ARHGAP44: variants seen among roughly 807,000 people sequenced by gnomAD.
The protein encoded by ARHGAP44 is rho GTPase-activating protein 44.
A neutral mutation model predicts 106.8 loss-of-function variants in ARHGAP44; 43 were observed. The observed-to-expected ratio is 0.40, with a 90% CI of 0.32 to 0.52. The LOEUF (loss-of-function observed/expected upper bound fraction) is 0.52, where lower values mean the gene tolerates loss of function less well. Among genes scored for constraint, ARHGAP44 ranks in the 20% least tolerant of loss-of-function variants. The pLI is 0.48. For synonymous variants in ARHGAP44, 439 were observed against 410.3 expected (o/e 1.07, Z -0.85); for missense variants, 866 against 1,050.5 (o/e 0.82, Z 2.43).
At chr17:12,930,711 A>G (rs1018128702) in intron 7 of ARHGAP44, among the ~76,000 whole-genome samples, 9 of 152,256 alleles carry the variant, frequency 5.9e-5, no homozygotes, top group Non-Finnish European at 1.2e-4. Flanking sequence ...ATTCCTGTCT[A>G]GCTTATATTC....
In ARHGAP44 at chr17:12,872,159, A is replaced by G. The variant is rs542175001; in HGVS notation, c.54-22781A>G. ...CTTTTCTTTGATTCATCTTTTAATC[A>G]TAACTTTCCTGGGCATATTTTTTTG... On this transcript the variant is annotated intron_variant, in intron 1 of 20. Transcript: ENST00000379672. Among the ~76,000 whole-genome samples, 15 of 152,354 alleles carry G rather than the reference A, an allele frequency of 9.8e-5. No individual in the cohort carries two copies. In the East Asian group the frequency reaches 2.9e-3, roughly 29 times the overall value.
intron 7 of ARHGAP44, among the ~76,000 whole-genome samples, chr17:12,939,109 G>T (rs1345368030): frequency 2.0e-5 from 3 of 152,144 alleles, no homozygotes; most frequent in Non-Finnish European, 4.4e-5. Context: ...AGCTGCTGCG[G>T]GGAAGACAGA....
chr17:12,895,085 C>T (rs369367586), intron 2 of ARHGAP44, 106 bp downstream of exon 2: 14 of 968,750 alleles, frequency 1.4e-5, no homozygotes, highest in Admixed American at 4.2e-5. Context: ...TAGCCGGGAT[C>T]GTGCCACTAC....
At position 12,843,393 on chromosome 17, in the gene ARHGAP44, T is replaced by G. The variant is rs1269146009; in HGVS notation, c.54-51547T>G. 2.0e-5 allele frequency among the ~76,000 whole-genome samples: 3 copies of G among 149,896 alleles called. No individual in the cohort carries two copies. The East Asian group carries it at 5.9e-4, about 30-fold the overall frequency. ...CTGTTGTCTGTTGAGAGTTGCTATC[T>G]GTTCATTCATTGTAAGCATTTTTTT... is the stretch of plus-strand genomic sequence containing the variant. On this transcript the variant is annotated intron_variant, in intron 1 of 20. Transcript: ENST00000379672.
rs180931032 is a variant in ARHGAP44 at position 12,847,748 on chromosome 17, G to A, written c.54-47192G>A. ...TCTCGATCTTCTGACCTCGTGATCC[G>A]CCCGCCTCGGCCTCCCAAAGTGCTG... is the stretch of plus-strand genomic sequence containing the variant. On this transcript the variant is annotated intron_variant, in intron 1 of 20. Coordinates refer to ENST00000379672, the MANE Select transcript of ARHGAP44 (RefSeq NM_014859.6). Among the ~76,000 whole-genome samples, 1,278 of 151,626 alleles carry A rather than the reference G, an allele frequency of 8.4e-3. 15 individuals carry two copies. Among genetic ancestry groups the A allele is most frequent in the South Asian group, 0.022 (105 of 4,768 alleles).
chr17:12,926,501 A>G (rs1327656062), intron 6 of ARHGAP44, among the ~76,000 whole-genome samples: 3 of 143,776 alleles, frequency 2.1e-5, no homozygotes, highest in Admixed American at 7.2e-5. Flanking sequence ...TAATATATGT[A>G]TATATATTAT....
At chr17:12,898,710 C>G (rs2037287219) in intron 3 of ARHGAP44, among the ~76,000 whole-genome samples, 1 of 152,162 alleles carries the variant, frequency 6.6e-6, no homozygotes, top group South Asian at 2.1e-4. Flanking sequence ...TTATGTTTCT[C>G]TAGCTGCAAG....
intron 1 of ARHGAP44, among the ~76,000 whole-genome samples, chr17:12,846,826 G>T (rs1226505234): frequency 6.6e-6 from 1 of 152,190 alleles, no homozygotes; most frequent in Non-Finnish European, 1.5e-5. Flanking sequence ...AGTTCCTTTA[G>T]GCAGTTGAAT....
intron 18 of ARHGAP44, among the ~76,000 whole-genome samples, chr17:12,979,530 G>A (rs1485912067): frequency 1.3e-5 from 2 of 152,138 alleles, no homozygotes; most frequent in African/African-American, 4.8e-5. Context: ...GTTTGAGGAT[G>A]AGTCCTAGAA....
At chr17:12,983,235 A>G (rs372837128) in intron 19 of ARHGAP44, among the ~76,000 whole-genome samples, 67 of 139,334 alleles carry the variant, frequency 4.8e-4, no homozygotes, top group Non-Finnish European at 9.0e-4. Context: ...ACTGCACTCC[A>G]GCCTGGGTGA....
chr17:12,791,036 G>C (rs2033737408), intron 1 of ARHGAP44, among the ~76,000 whole-genome samples: 1 of 152,148 alleles, frequency 6.6e-6, no homozygotes, highest in South Asian at 2.1e-4. Flanking sequence ...CATCTGGTAG[G>C]ATGGGGGTGG....
At chr17:12,819,426 G>T (rs919637789) in intron 1 of ARHGAP44, among the ~76,000 whole-genome samples, 2 of 151,818 alleles carry the variant, frequency 1.3e-5, no homozygotes, top group Non-Finnish European at 2.9e-5. Context: ...TTTGTGAATT[G>T]TGTTTTTGTT....
At chr17:12,929,332 T>C in intron 7 of ARHGAP44, 1 of 259,730 alleles carries the variant, frequency 3.9e-6, no homozygotes, top group Non-Finnish European at 7.7e-6. Flanking sequence ...TTGTAAATCA[T>C]CTGAGTCCCA....
At chr17:12,923,858 T>G (rs996069615) in intron 6 of ARHGAP44, among the ~76,000 whole-genome samples, 5 of 152,118 alleles carry the variant, frequency 3.3e-5, no homozygotes, top group African/African-American at 7.2e-5. Context: ...GATATAGCAG[T>G]GAGAGCAAGA....
At chr17:12,939,694 C>T (rs2038653455) in intron 7 of ARHGAP44, among the ~76,000 whole-genome samples, 2 of 152,300 alleles carry the variant, frequency 1.3e-5, no homozygotes, top group Admixed American at 1.3e-4. Flanking sequence ...TCTCGATCTC[C>T]TGACCTCGTG....
chr17:12,950,201 C>G (rs945403720), intron 12 of ARHGAP44, among the ~76,000 whole-genome samples: 2 of 152,176 alleles, frequency 1.3e-5, no homozygotes, highest in African/African-American at 4.8e-5. Flanking sequence ...GAAGGGCTCA[C>G]GTAGGCTGAC....
chr17:12,861,655 T>TTTTTTTTTTTTTTG (rs748243626), intron 1 of ARHGAP44, among the ~76,000 whole-genome samples: 8 of 14,956 alleles, frequency 5.3e-4, no homozygotes, highest in South Asian at 3.4e-3. Context: ...TTTTTTTTTT[T>TTTTTTTTTTTTTTG]TTTGAGATGG....
intron 16 of ARHGAP44, among the ~76,000 whole-genome samples, chr17:12,969,694 C>T (rs1288449418): frequency 6.6e-6 from 1 of 152,220 alleles, no homozygotes; most frequent in Non-Finnish European, 1.5e-5. Context: ...AGCTTGTCCA[C>T]ATCATAAAAC....
intron 20 of ARHGAP44, chr17:12,985,123 ATC>A (rs1158794679): frequency 3.4e-6 from 2 of 585,228 alleles, no homozygotes; most frequent in East Asian, 6.0e-5. Context: ...TTCTTATGGG[ATC>A]TCTCTCGGTC....
Sources: gnomAD v4.1 joint callset for allele counts (sites outside exome capture counted in the v4.1 genomes callset) on GRCh38, gnomAD v4.1.1 for gene constraint, MANE v1.5 for transcripts, NCBI Gene and HGNC (gene_info 2026-07-23, HGNC 2026-07-21) for gene names.